The following SMG1 variants were observed in gnomAD, a reference collection of about 807,000 sequenced individuals.
SMG1 encodes SMG1 nonsense mediated mRNA decay associated PI3K related kinase, also known as serine/threonine-protein kinase SMG1.
A neutral mutation model predicts 419.9 loss-of-function variants in SMG1; 22 were observed. The observed-to-expected ratio is 0.05, with a 90% confidence interval of 0.04 to 0.07. The LOEUF (loss-of-function observed/expected upper bound fraction) is 0.07, where lower values mean the gene tolerates loss of function less well. Among genes scored for constraint, SMG1 ranks in the 10% least tolerant of loss-of-function variants. The pLI is 1.00. For synonymous variants in SMG1, 1,538 were observed against 1,553.5 expected (o/e 0.99, Z 0.23); for missense variants, 3,185 against 4,342.0 (o/e 0.73, Z 7.49).
intron 23 of SMG1, among the ~76,000 whole-genome samples, chr16:18,864,945 A>C (rs1399106958): frequency 2.6e-5 from 4 of 152,242 alleles, no homozygotes. Context: ...TTTTTAAAAA[A>C]ATGTAAGACA....
At chr16:18,850,516 G>A (rs1479101260) in intron 33 of SMG1, 49 bp from the exon 34 acceptor site, 1 of 1,298,964 alleles carries the variant, frequency 7.7e-7, no homozygotes, top group Non-Finnish European at 1.1e-6. Flanking sequence ...AAACTGAAAA[G>A]GGAAAAAGGT....
intron 1 of SMG1, among the ~76,000 whole-genome samples, chr16:18,906,064 T>C (rs1488220143): frequency 6.6e-6 from 1 of 152,044 alleles, no homozygotes; most frequent in Non-Finnish European, 1.5e-5. Context: ...AGCACCATAC[T>C]CCCAGGTCCT....
chr16:18,919,483 G>A lies in SMG1; in HGVS notation c.92+6467C>T, dbSNP rs866582157. Among the ~76,000 whole-genome samples, 4 of 151,850 alleles carry A rather than the reference G, an allele frequency of 2.6e-5. No individual in the cohort carries two copies. In the South Asian group the frequency reaches 6.2e-4, roughly 24 times the overall value. ...ACTAAAAATACAAAAAATTAGCCAG[G>A]CATCATAGCGGGCACCTGCAATCCC... is the stretch of plus-strand genomic sequence containing the variant. On this transcript the variant is annotated intron_variant, in intron 1 of 62. Coordinates refer to ENST00000446231, the MANE Select transcript of SMG1 (RefSeq NM_015092.5).
In SMG1 at chr16:18,850,474, A is replaced by G. The variant is rs762797850; in HGVS notation, c.5053-7T>C. 6.3e-7 allele frequency: 1 copy of G among 1,582,050 alleles called. No homozygotes were observed. Among genetic ancestry groups the G allele is most frequent in the East Asian group, 2.2e-5 (1 of 44,482 alleles). ...GAAGTGTTATATCTTCATCCTGAAGAAAAATTGTGCACAAAATGCTATTTT... is the reference window on the plus strand; with the variant it reads ...GAAGTGTTATATCTTCATCCTGAAGGAAAATTGTGCACAAAATGCTATTTT... On this transcript the variant is annotated splice_region_variant and splice_polypyrimidine_tract_variant and intron_variant, in intron 33 of 62. Transcript: ENST00000446231.
chr16:18,874,866 C>CAA (rs148468415), intron 13 of SMG1, among the ~76,000 whole-genome samples: 8 of 49,662 alleles, frequency 1.6e-4, no homozygotes, highest in East Asian at 7.7e-4. Flanking sequence ...GACTCTGTCT[C>CAA]AAAAAAAAAA....
chr16:18,900,618 T>C (rs577735328), intron 1 of SMG1, among the ~76,000 whole-genome samples: 1 of 152,322 alleles, frequency 6.6e-6, no homozygotes, highest in African/African-American at 2.4e-5. Context: ...GTAAGCATCA[T>C]ATTACTTCAA....
chr16:18,821,242 TTTTTTTTTTC>T (rs2032530180), intron 55 of SMG1, among the ~76,000 whole-genome samples: 1 of 32,596 alleles, frequency 3.1e-5, no homozygotes, highest in Non-Finnish European at 7.7e-5. Context: ...TTTTTTTTTC[TTTTTTTTTTC>T]TTTTTTTTTT....
intron 10 of SMG1, among the ~76,000 whole-genome samples, chr16:18,880,542 A>G (rs2141698308): frequency 1.3e-5 from 2 of 152,160 alleles, no homozygotes; most frequent in Admixed American, 6.5e-5. Flanking sequence ...ACAACACCTC[A>G]TCTCTACTAA....
At chr16:18,924,841 A>G (rs1183857103) in intron 1 of SMG1, 4 of 152,210 alleles carry the variant, frequency 2.6e-5, no homozygotes, top group South Asian at 4.1e-4. Flanking sequence ...CGAGTCTTCA[A>G]ATGTTACATT....
In SMG1 at chr16:18,805,153, T is replaced by C. The variant is rs2030706980; in HGVS notation, c.*4416A>G. On this transcript the variant is annotated 3_prime_UTR_variant, in exon 63 of 63. Transcript: ENST00000446231. ...CTTAGAATAAGGGTAAAAAGTAAAT[T>C]AACAAGTAAGTGAAGTATGATGTTG... The C allele has an allele frequency of 6.6e-6, 1 of 152,376 alleles. No homozygotes were observed. The allele number at this position is 152,376 out of a possible 1,614,324, so 9.4% of individuals were successfully genotyped here.
At chr16:18,880,728 G>GGA (rs1567417637) in intron 10 of SMG1, among the ~76,000 whole-genome samples, 1 of 135,524 alleles carries the variant, frequency 7.4e-6, no homozygotes, top group South Asian at 2.6e-4. Flanking sequence ...AAAAGGGGGG[G>GGA]GGCGCGGAGG....
intron 8 of SMG1, chr16:18,884,777 G>A (rs1487547172): frequency 4.0e-6 from 1 of 249,900 alleles, no homozygotes; most frequent in Non-Finnish European, 7.5e-6. Context: ...AATAAAATGT[G>A]ACAAATAACT....
chr16:18,887,516 C>CTTTTTTTTTTTTTTTTT lies in SMG1; in HGVS notation c.822+1839_823-1851dup, dbSNP rs574179061. Among the ~76,000 whole-genome samples the CTTTTTTTTTTTTTTTTT allele has an allele frequency of 7.2e-4, 79 of 110,088 alleles. 2 individuals are homozygous for CTTTTTTTTTTTTTTTTT. The highest frequency in any genetic ancestry group is 5.4e-3 in the Middle Eastern group (1 of 184). The allele number at this position is 110,088 out of a possible 152,430, so 72.2% of individuals were successfully genotyped here. ...ACCACGCCCGACTTATTTTTTTTTC[C>CTTTTTTTTTTTTTTTTT]TTTTTTTTTTTTTTTTTAATAGAAA... On this transcript the variant is annotated intron_variant, in intron 6 of 62. Coordinates refer to ENST00000446231, the MANE Select transcript of SMG1 (RefSeq NM_015092.5).
At chr16:18,810,410 A>T (rs1268770780) in intron 62 of SMG1, among the ~76,000 whole-genome samples, 1 of 152,242 alleles carries the variant, frequency 6.6e-6, no homozygotes, top group Non-Finnish European at 1.5e-5. Flanking sequence ...ACGGAAGAGA[A>T]GAGGGAAAGG....
In SMG1 at chr16:18,830,868, TTC is replaced by T. The variant is rs144544802; in HGVS notation, c.8793-501_8793-500del. 1.5e-3 allele frequency among the ~76,000 whole-genome samples: 228 copies of T among 152,324 alleles called. 1 individual carries two copies. Among genetic ancestry groups the T allele is most frequent in the African/African-American group, 5.2e-3 (217 of 41,570 alleles). On this transcript the variant is annotated intron_variant, in intron 51 of 62. Coordinates refer to ENST00000446231, the MANE Select transcript of SMG1 (RefSeq NM_015092.5). ...CACAATAGGATTTCAATGATTCCAA[TTC>T]GTTATTAATGACTGTTATGTGATTA...
chr16:18,845,973 G>A lies in SMG1; in HGVS notation c.5997-322C>T, dbSNP rs1045498991. Among the ~76,000 whole-genome samples the A allele has an allele frequency of 9.2e-5, 14 of 151,764 alleles. 1 individual carries two copies. The highest frequency in any genetic ancestry group is 6.6e-4 in the Admixed American group (10 of 15,220). On this transcript the variant is annotated intron_variant, in intron 38 of 62. Transcript: ENST00000446231. ...TGCGACTACACACGCGCGACACCAC[G>A]CCCAGCTAATTTTTTGTATTTTAGT...
chr16:18,884,843 C>A (rs992587814), intron 8 of SMG1: 82 of 477,786 alleles, frequency 1.7e-4, no homozygotes, highest in Non-Finnish European at 4.8e-5. Context: ...TCTTACCATA[C>A]ACTTTCCTAC....
At chr16:18,848,199 TA>T (rs1333517843) in intron 36 of SMG1, among the ~76,000 whole-genome samples, 166 bp from the exon 37 acceptor site, 1 of 152,216 alleles carries the variant, frequency 6.6e-6, no homozygotes, top group Non-Finnish European at 1.5e-5. Flanking sequence ...TGCCTTTTTA[TA>T]GGTTGAGCTT....
At chr16:18,914,098 T>C (rs954752364) in intron 1 of SMG1, among the ~76,000 whole-genome samples, 25 of 148,832 alleles carry the variant, frequency 1.7e-4, no homozygotes, top group African/African-American at 5.4e-4. Context: ...ACCCAGGAGG[T>C]AGAGGTTGCG....
Sources: allele counts gnomAD v4.1 joint callset (sites outside exome capture counted in the v4.1 genomes callset), GRCh38; gene constraint gnomAD v4.1.1; transcripts MANE v1.5; gene names NCBI Gene and HGNC (gene_info 2026-07-23, HGNC 2026-07-21).